PPCS: variants seen among roughly 807,000 people sequenced by gnomAD.
PPCS encodes phosphopantothenate--cysteine ligase.
A neutral mutation model predicts 24.6 loss-of-function variants in PPCS; 17 were observed. The ratio of observed to expected loss-of-function variants is 0.69; its 90% CI spans 0.47 to 1.04. The LOEUF is 1.04. Among genes scored for constraint, PPCS ranks in the 50% least tolerant of loss-of-function variants. The pLI is 0.00. For missense variants in PPCS, 360 were observed against 402.8 expected (o/e 0.89, Z 0.91); for synonymous variants, 190 against 168.3 (o/e 1.13, Z -1.00).
At chr1:42,466,258 A>G (rs1397254779) in intron 2 of PPCS, among the ~76,000 whole-genome samples, 1 of 152,172 alleles carries the variant, frequency 6.6e-6, no homozygotes, top group African/African-American at 2.4e-5. Context: ...CTTTGCTCAG[A>G]GGCAGGAGAT....
chr1:42,462,459 G>A (rs577752005), downstream of PPCS, among the ~76,000 whole-genome samples: 3 of 152,092 alleles, frequency 2.0e-5, no homozygotes, highest in Admixed American at 2.0e-4. Context: ...GAGAGGTTGA[G>A]GCACTTTATT....
downstream of PPCS, chr1:42,464,338 ATTAAATT>A (rs1364470493): frequency 1.3e-5 from 2 of 152,250 alleles, no homozygotes; most frequent in African/African-American, 4.8e-5. Flanking sequence ...TCCTTGTTTC[ATTAAATT>A]TTATTGATGT....
chr1:42,456,524 GCGGCCGCGAAACGTGCGCAGGCGC>G, exon 1 of PPCS: 2 of 1,437,510 alleles, frequency 1.4e-6, no homozygotes, highest in African/African-American at 1.5e-5. Flanking sequence ...GCGTGGCGCG[GCGGCCGCGAAACGTGCGCAGGCGC>G]CGGCCGCTGC....
At chr1:42,465,608 G>A (rs187203057), downstream of PPCS, among the ~76,000 whole-genome samples, 186 of 152,148 alleles carry the variant, frequency 1.2e-3, 2 homozygotes, top group Middle Eastern at 0.024. Context: ...CAGGTGATCC[G>A]CCCACCTCAG....
intron 2 of PPCS, among the ~76,000 whole-genome samples, chr1:42,457,797 A>G (rs191543185): frequency 6.6e-6 from 1 of 152,176 alleles, no homozygotes; most frequent in East Asian, 1.9e-4. Context: ...TACTAAAAAA[A>G]TACAAAAATT....
At chr1:42,462,659 AGAT>A (rs555041196), downstream of PPCS, among the ~76,000 whole-genome samples, 6 of 152,244 alleles carry the variant, frequency 3.9e-5, no homozygotes, top group Non-Finnish European at 8.8e-5. Flanking sequence ...GCATCTAAAA[AGAT>A]GATATAAATT....
downstream of PPCS, among the ~76,000 whole-genome samples, chr1:42,461,731 G>C (rs1039850812): frequency 6.6e-6 from 1 of 151,928 alleles, no homozygotes; most frequent in Non-Finnish European, 1.5e-5. Context: ...ATTTTTAGTA[G>C]AGATGGGGTT....
intron 2 of PPCS, 81 bp downstream of exon 2, chr1:42,457,431 T>C: frequency 8.1e-7 from 1 of 1,230,936 alleles, no homozygotes; most frequent in Non-Finnish European, 1.2e-6. Context: ...GAGATGGCCT[T>C]TCTGCATCTG....
chr1:42,465,351 GT>G (rs1569655000), downstream of PPCS, among the ~76,000 whole-genome samples: 2 of 151,640 alleles, frequency 1.3e-5, no homozygotes, highest in Admixed American at 1.3e-4. Flanking sequence ...AGTTTTTTTT[GT>G]TTTTGTTTTT....
chr1:42,473,390 T>A (rs1643830119), downstream of PPCS: 1 of 746,826 alleles, frequency 1.3e-6, no homozygotes, highest in Non-Finnish European at 1.8e-6. Flanking sequence ...AACTAATGTT[T>A]GGCTATCACT....
chr1:42,471,347 C>T (rs987868164), intron 2 of PPCS, among the ~76,000 whole-genome samples: 3 of 152,196 alleles, frequency 2.0e-5, no homozygotes, highest in African/African-American at 7.2e-5. Flanking sequence ...ACCCACAGTA[C>T]AGGACTTATA....
downstream of PPCS, among the ~76,000 whole-genome samples, chr1:42,462,720 A>G (rs1460515125): frequency 6.6e-6 from 1 of 152,150 alleles, no homozygotes; most frequent in Non-Finnish European, 1.5e-5. Context: ...TTTGCATTAC[A>G]TAGGTGGGGA....
chr1:42,471,228 TC>T (rs1264836545), intron 2 of PPCS, among the ~76,000 whole-genome samples: 2 of 152,148 alleles, frequency 1.3e-5, no homozygotes, highest in East Asian at 3.8e-4. Context: ...AAGGATCAGA[TC>T]CAAAGGTATT....
At chr1:42,456,540 C>G (rs1257802752), upstream of PPCS, 4 of 1,446,088 alleles carry the variant, frequency 2.8e-6, no homozygotes, top group Non-Finnish European at 3.6e-6. Context: ...GCGAAACGTG[C>G]GCAGGCGCCG....
Position 42,456,694 on chromosome 1 carries a change from C to T in PPCS, c.129C>T (p.Gly43=). 6.2e-7 allele frequency: 1 copy of T among 1,606,460 alleles called. No homozygotes were observed. ...GGCGGGTGGTGTTGGTTACGTCAGG[C>T]GGCACCAAGGTCCCACTGGAAGCGC... ...QGRRVVLVTS[G]GTKVPLEARP... Residue 43 remains glycine (G), a synonymous_variant, in exon 1 of 3, where the codon GGC becomes GGT. Coordinates refer to ENST00000372561, the MANE Select transcript of PPCS (RefSeq NM_024664.4).
chr1:42,456,359 G>A (rs1394963291), upstream of PPCS: 1 of 641,628 alleles, frequency 1.6e-6, no homozygotes, highest in African/African-American at 1.8e-5. Context: ...ACCCAGCCGG[G>A]GATCCCCCTC....
intron 2 of PPCS, among the ~76,000 whole-genome samples, chr1:42,470,573 A>G (rs574145050): frequency 6.6e-6 from 1 of 152,370 alleles, no homozygotes; most frequent in South Asian, 2.1e-4. Flanking sequence ...GTCCATCAAC[A>G]GGTGAATGTA....
rs1354333860 is a variant in PPCS, at chr1:42,456,668, C to T, written c.103C>T (p.Arg35Trp). 1 of 1,601,794 alleles carries T rather than the reference C, an allele frequency of 6.2e-7. No individual in the cohort carries two copies. The highest frequency in any genetic ancestry group is 1.3e-5 in the African/African-American group (1 of 74,826). ...RFAARLGAQG[R>W]RVVLVTSGGT... is the part of the protein sequence containing the mutation. ...CGCGGCCAGGCTGGGCGCGCAGGGC[C>T]GGCGGGTGGTGTTGGTTACGTCAGG... is the stretch of plus-strand genomic sequence containing the variant. The change falls in exon 1 of 3, where the codon CGG becomes TGG. Residue 35 changes from arginine (R) to tryptophan (W), a missense_variant. Coordinates refer to ENST00000372561, the MANE Select transcript of PPCS (RefSeq NM_024664.4).
Position 42,460,460 on chromosome 1 carries a change from A to G in PPCS, c.*534A>G, listed in dbSNP as rs773744524. On this transcript the variant is annotated 3_prime_UTR_variant, in exon 3 of 3. Transcript: ENST00000372561. ...TTTATCAAATATAGTAGTAGGAAAG[A>G]AGGATACCTCCCTGAAGATAGATTG... The G allele has an allele frequency of 1.2e-6, 1 of 821,780 alleles. No homozygotes were observed. The highest frequency in any genetic ancestry group is 1.5e-6 in the Non-Finnish European group (1 of 680,296). 50.9% of individuals were successfully genotyped at this position (821,780 alleles called of 1,614,324 possible).
Sources: gnomAD v4.1 joint callset for allele counts (sites outside exome capture counted in the v4.1 genomes callset) on GRCh38, gnomAD v4.1.1 for gene constraint, MANE v1.5 for transcripts, NCBI Gene and HGNC (gene_info 2026-07-23, HGNC 2026-07-21) for gene names.